Variants in RIMS4 observed in about 807,000 individuals in gnomAD.
The protein encoded by RIMS4 is regulating synaptic membrane exocytosis protein 4.
In RIMS4, 9 loss-of-function variants were observed where a neutral mutation model predicts 29.0. That is an observed-to-expected ratio of 0.31 (90% CI 0.19 to 0.54). RIMS4 has a LOEUF of 0.54. Ranked by LOEUF, RIMS4 falls within the 20% of genes least tolerant of loss-of-function variation. The pLI is 0.94. For synonymous variants in RIMS4, 130 were observed against 152.9 expected (o/e 0.85, Z 1.10); for missense variants, 193 against 365.7 (o/e 0.53, Z 3.85).
intron 1 of RIMS4, among the ~76,000 whole-genome samples, chr20:44,772,353 C>T (rs545715363): frequency 2.0e-5 from 3 of 152,310 alleles, no homozygotes; most frequent in South Asian, 4.1e-4. Flanking sequence ...GCTTCCTCTG[C>T]GAAGACCATA....
chr20:44,760,608 C>T (rs767461673), intron 2 of RIMS4, among the ~76,000 whole-genome samples: 5 of 152,182 alleles, frequency 3.3e-5, no homozygotes, highest in Non-Finnish European at 7.3e-5. Context: ...CTGAGCACCA[C>T]AATAATAGCA....
At chr20:44,799,038 C>T (rs550772243) in intron 1 of RIMS4, among the ~76,000 whole-genome samples, 1 of 152,248 alleles carries the variant, frequency 6.6e-6, no homozygotes, top group Admixed American at 6.5e-5. Context: ...TGTGGTGGCT[C>T]ATGCCTGTAA....
chr20:44,773,646 C>A (rs1419967622), intron 1 of RIMS4, among the ~76,000 whole-genome samples: 1 of 152,160 alleles, frequency 6.6e-6, no homozygotes, highest in African/African-American at 2.4e-5. Context: ...TGACACATTT[C>A]TCCCGGAAGA....
chr20:44,765,381 T>G (rs1441529010), intron 2 of RIMS4, among the ~76,000 whole-genome samples: 2 of 152,148 alleles, frequency 1.3e-5, no homozygotes, highest in Non-Finnish European at 2.9e-5. Context: ...GAGCCTTGGT[T>G]TACTCCCCAG....
chr20:44,756,099 C>T lies in RIMS4; in HGVS notation c.*35G>A, dbSNP rs2066058527. Reference sequence around the variant, plus strand: ...TCCCAGGTCAGGGCTGGGTGGTCTCCAGGCCATCTTGGGGAGCCCCTCCCC... The same window carrying T: ...TCCCAGGTCAGGGCTGGGTGGTCTCTAGGCCATCTTGGGGAGCCCCTCCCC... On this transcript the variant is annotated 3_prime_UTR_variant, in exon 6 of 6. Coordinates refer to ENST00000372851, the MANE Select transcript of RIMS4 (RefSeq NM_182970.4). This position sits in a 1 kb window ranked among gnomAD's most constrained non-coding sequence, Gnocchi z 5.9. 4 of 1,533,386 alleles carry T rather than the reference C, an allele frequency of 2.6e-6. No homozygotes were observed. In the African/African-American group the frequency reaches 4.1e-5, roughly 16 times the overall value. 95.0% of individuals were successfully genotyped at this position (1,533,386 alleles called of 1,614,324 possible).
intron 1 of RIMS4, among the ~76,000 whole-genome samples, chr20:44,775,811 G>A (rs117232877): frequency 2.0e-5 from 3 of 152,258 alleles, no homozygotes; most frequent in South Asian, 4.1e-4. Flanking sequence ...GTGGGCTCCC[G>A]CATCATAACT....
intron 2 of RIMS4, among the ~76,000 whole-genome samples, chr20:44,769,414 C>T (rs1214850129): frequency 6.6e-6 from 1 of 152,320 alleles, no homozygotes; most frequent in Middle Eastern, 3.4e-3. Context: ...CAGATATTTA[C>T]TGGCCTCAAA....
rs757941173 is a variant in RIMS4 at position 44,757,040 on chromosome 20, G to A, written c.452-3C>T. 1.2e-6 allele frequency: 2 copies of A among 1,613,290 alleles called. No individual in the cohort carries two copies. Among genetic ancestry groups the A allele is most frequent in the South Asian group, 2.2e-5 (2 of 91,012 alleles). ...CAGGTAGGCCTTGATGTAGGCCGCT[G>A]GGGATAGAGGCCAGCAGGGGTGAGT... On this transcript the variant is annotated splice_region_variant and splice_polypyrimidine_tract_variant and intron_variant, in intron 4 of 5. Coordinates refer to ENST00000372851, the MANE Select transcript of RIMS4 (RefSeq NM_182970.4).
At chr20:44,786,319 G>C (rs563998980) in intron 1 of RIMS4, among the ~76,000 whole-genome samples, 23 of 152,182 alleles carry the variant, frequency 1.5e-4, no homozygotes, top group African/African-American at 1.9e-4. Flanking sequence ...AGTGAGAGTC[G>C]AGGCAAGGGA....
Position 44,782,734 on chromosome 20 carries a change from A to G in RIMS4, c.98-11321T>C, listed in dbSNP as rs1209500917. Reference sequence around the variant, plus strand: ...TCTTCCAGCTGCTGCACTTTTCTCTATGTGTATTTCAAAACTTTTAAAAGA... The same window carrying G: ...TCTTCCAGCTGCTGCACTTTTCTCTGTGTGTATTTCAAAACTTTTAAAAGA... On this transcript the variant is annotated intron_variant, in intron 1 of 5. Transcript: ENST00000372851. Among the ~76,000 whole-genome samples, 5 of 152,170 alleles carry G rather than the reference A, an allele frequency of 3.3e-5. No homozygotes were observed. The East Asian group carries it at 9.6e-4, about 29-fold the overall frequency.
At chr20:44,764,466 C>T (rs901206925) in intron 2 of RIMS4, among the ~76,000 whole-genome samples, 8 of 152,114 alleles carry the variant, frequency 5.3e-5, no homozygotes, top group Admixed American at 2.0e-4. Flanking sequence ...TTTAGAAATG[C>T]ACAAATACTA....
At chr20:44,788,380 G>C (rs1010048592) in intron 1 of RIMS4, among the ~76,000 whole-genome samples, 1 of 152,180 alleles carries the variant, frequency 6.6e-6, no homozygotes, top group African/African-American at 2.4e-5. Context: ...ATTGGGCAGC[G>C]CTGGGCTAGA....
chr20:44,774,167 C>G (rs566549023), intron 1 of RIMS4, among the ~76,000 whole-genome samples: 1 of 152,258 alleles, frequency 6.6e-6, no homozygotes, highest in Non-Finnish European at 1.5e-5. Context: ...AGTGACTGTT[C>G]CAGTGCTTTC....
rs1555858352 is a variant in RIMS4 at position 44,753,230 on chromosome 20, A to G, written c.*2904T>C. On this transcript the variant is annotated 3_prime_UTR_variant, in exon 6 of 6. Transcript: ENST00000372851. The stretch of plus-strand genomic sequence containing the variant: ...GGGGGCCATTAGGCTTCAAAGAAAG[A>G]AGGGAGGAGGAGGTATGGGCAGTGG... 1 of 152,640 alleles carries G rather than the reference A, an allele frequency of 6.6e-6. No homozygotes were observed. Among genetic ancestry groups the G allele is most frequent in the Non-Finnish European group, 1.5e-5 (1 of 68,060 alleles). 9.5% of individuals were successfully genotyped at this position (152,640 alleles called of 1,614,324 possible).
At position 44,792,163 on chromosome 20, in the gene RIMS4, A is replaced by T. The variant is rs570596580; in HGVS notation, c.97+18012T>A. On this transcript the variant is annotated intron_variant, in intron 1 of 5. Transcript: ENST00000372851. ...GCACCATAACTTCAGTGCCCAGCAC[A>T]CTGGAGTGGGCCAGTGATATCTGTT... is the stretch of plus-strand genomic sequence containing the variant. Among the ~76,000 whole-genome samples the T allele has an allele frequency of 3.9e-5, 6 of 152,258 alleles. 1 individual carries two copies. The South Asian group carries it at 1.2e-3, about 32-fold the overall frequency.
chr20:44,809,142 A>T (rs1319741523), intron 1 of RIMS4, among the ~76,000 whole-genome samples: 7 of 152,168 alleles, frequency 4.6e-5, no homozygotes, highest in Non-Finnish European at 7.3e-5. Flanking sequence ...AGATGAGGAA[A>T]TCCAGGCTCA....
chr20:44,809,147 G>T (rs141056094), intron 1 of RIMS4, among the ~76,000 whole-genome samples: 1 of 152,314 alleles, frequency 6.6e-6, no homozygotes, highest in African/African-American at 2.4e-5. Context: ...AGGAAATCCA[G>T]GCTCAGAGGT....
At chr20:44,807,247 C>T (rs1214787499) in intron 1 of RIMS4, among the ~76,000 whole-genome samples, 4 of 152,162 alleles carry the variant, frequency 2.6e-5, no homozygotes, top group African/African-American at 7.2e-5. Context: ...CCTGGGCCCA[C>T]GGCGGGCTAG....
In RIMS4 at chr20:44,756,277, G is replaced by A. The variant is rs764339672; in HGVS notation, c.667C>T (p.Leu223=). The change falls in exon 6 of 6, where the codon CTG becomes TTG. Residue 223 remains leucine, a synonymous_variant. Coordinates refer to ENST00000372851, the MANE Select transcript of RIMS4 (RefSeq NM_182970.4). This position sits in a 1 kb window ranked among gnomAD's most constrained non-coding sequence, Gnocchi z 5.9. Reference sequence around the variant, plus strand: ...CCCACGGCCAGGGTGGTCAAGTCCAGCTCCTCCAGCAGCACGCGAGCCACA... The same window carrying A: ...CCCACGGCCAGGGTGGTCAAGTCCAACTCCTCCAGCAGCACGCGAGCCACA... The part of the protein sequence containing the change: ...MGVARVLLEE[L]DLTTLAVGWY... The A allele has an allele frequency of 1.9e-6, 3 of 1,613,968 alleles. No homozygotes were observed. Among genetic ancestry groups the A allele is most frequent in the East Asian group, 2.2e-5 (1 of 44,854 alleles).
Sources: gnomAD v4.1 joint callset for allele counts (sites outside exome capture counted in the v4.1 genomes callset) on GRCh38, gnomAD v4.1.1 for gene constraint, Gnocchi (gnomAD v3.1) non-coding constraint, MANE v1.5 for transcripts, NCBI Gene and HGNC (gene_info 2026-07-23, HGNC 2026-07-21) for gene names.